Variants in ROPN1L observed in about 807,000 individuals in gnomAD.
ROPN1L encodes ropporin-1-like protein.
Under a neutral mutation model 22.7 loss-of-function variants are expected in ROPN1L, and 23 were observed. The ratio of observed to expected loss-of-function variants is 1.01; its 90% CI spans 0.73 to 1.43. The LOEUF (loss-of-function observed/expected upper bound fraction) is 1.43. Ranked by LOEUF, ROPN1L falls within the 40% of genes most tolerant of loss-of-function variation. The probability of loss-of-function intolerance (pLI) is 0.00; values close to 1 mark genes in which losing one functional copy is unlikely to be tolerated. For synonymous variants in ROPN1L, 116 were observed against 117.8 expected, an observed-to-expected ratio of 0.98 and a Z score of 0.10; for missense variants, 271 against 291.5, an observed-to-expected ratio of 0.93 and a Z score of 0.51.
rs116369210 is a variant in ROPN1L at position 10,457,224 on chromosome 5, G to A, written c.418-3960G>A. ...GCTGCACTCACCCCCTAACCGTGCCGTCCACCTCGGCAGCATCAGGTGCAG... is the reference window on the plus strand; with the variant it reads ...GCTGCACTCACCCCCTAACCGTGCCATCCACCTCGGCAGCATCAGGTGCAG... On this transcript the variant is annotated intron_variant, in intron 3 of 4. Transcript: ENST00000274134. Among the ~76,000 whole-genome samples the A allele has an allele frequency of 2.7e-3, 409 of 152,282 alleles. 2 individuals are homozygous for A. Among genetic ancestry groups the A allele is most frequent in the African/African-American group, 9.4e-3 (390 of 41,558 alleles).
intron 3 of ROPN1L, among the ~76,000 whole-genome samples, chr5:10,458,745 C>T (rs1412370701): frequency 1.2e-5 from 1 of 83,762 alleles, no homozygotes; most frequent in African/African-American, 4.7e-5. Context: ...CCGTGTATAC[C>T]GTCCCCCCAT....
the ROPN1L span, among the ~76,000 whole-genome samples, chr5:10,479,017 G>A: frequency 9.8e-4 from 149 of 152,288 alleles, no homozygotes; most frequent in African/African-American, 3.3e-3. Flanking sequence ...TAATGCCTTC[G>A]AAATCAGCTA....
chr5:10,462,909 A>G (rs1221723653), intron 4 of ROPN1L, among the ~76,000 whole-genome samples: 1 of 150,558 alleles, frequency 6.6e-6, no homozygotes, highest in Non-Finnish European at 1.5e-5. Flanking sequence ...CAACAATAAT[A>G]ATAATAATAA....
chr5:10,476,687 T>C (rs1735321968), downstream of ROPN1L, among the ~76,000 whole-genome samples: 1 of 152,216 alleles, frequency 6.6e-6, no homozygotes, highest in Admixed American at 6.5e-5. Context: ...AGGACGGTGA[T>C]ATTTAAAGAG....
In ROPN1L at chr5:10,457,490, C is replaced by G. The variant is rs115095732; in HGVS notation, c.418-3694C>G. On this transcript the variant is annotated intron_variant, in intron 3 of 4. Transcript: ENST00000274134. The stretch of plus-strand genomic sequence containing the variant: ...AGCTCAGAGGCCCACCGGCTGTGCT[C>G]CAGTCCTGGCTGGGTGACTTGGGTG... Among the ~76,000 whole-genome samples the G allele has an allele frequency of 3.1e-3, 477 of 152,336 alleles. 5 individuals are homozygous for G. The highest frequency in any genetic ancestry group is 0.011 in the African/African-American group (454 of 41,576).
chr5:10,469,092 TTG>T (rs1265000313), downstream of ROPN1L, among the ~76,000 whole-genome samples: 6 of 151,998 alleles, frequency 3.9e-5, no homozygotes, highest in Non-Finnish European at 8.8e-5. Flanking sequence ...GAGGCGGAGC[TTG>T]CAATGAGCCG....
intron 3 of ROPN1L, among the ~76,000 whole-genome samples, chr5:10,455,585 C>T (rs1381851669): frequency 2.0e-5 from 3 of 151,736 alleles, no homozygotes; most frequent in Non-Finnish European, 4.4e-5. Flanking sequence ...GCCGCTGATG[C>T]GGGCCGCTGT....
At chr5:10,469,835 C>T (rs575556739), downstream of ROPN1L, among the ~76,000 whole-genome samples, 18 of 152,334 alleles carry the variant, frequency 1.2e-4, no homozygotes, top group South Asian at 1.4e-3. Flanking sequence ...TCCAGAAATA[C>T]GTGCTTACCC....
At chr5:10,465,295 T>C (rs558608394), downstream of ROPN1L, among the ~76,000 whole-genome samples, 14 of 151,462 alleles carry the variant, frequency 9.2e-5, no homozygotes, top group African/African-American at 3.4e-4. Context: ...GCGGGTGGAT[T>C]ACGAGGTCGG....
chr5:10,456,568 C>T (rs1741427660), intron 3 of ROPN1L, among the ~76,000 whole-genome samples: 2 of 152,196 alleles, frequency 1.3e-5, no homozygotes, highest in African/African-American at 4.8e-5. Flanking sequence ...AATAAATCAG[C>T]CACACAGCAG....
At chr5:10,469,255 G>A (rs901889002), downstream of ROPN1L, among the ~76,000 whole-genome samples, 12 of 151,558 alleles carry the variant, frequency 7.9e-5, no homozygotes, top group African/African-American at 2.4e-4. Flanking sequence ...TGGGAGGATT[G>A]TTTGAGCCCA....
downstream of ROPN1L, among the ~76,000 whole-genome samples, chr5:10,473,475 T>G (rs1579665639): frequency 6.6e-6 from 1 of 152,102 alleles, no homozygotes; most frequent in Non-Finnish European, 1.5e-5. Flanking sequence ...AAGGAAGGAT[T>G]CCCTCCTAAA....
chr5:10,468,719 G>A (rs186646138), downstream of ROPN1L, among the ~76,000 whole-genome samples: 194 of 152,370 alleles, frequency 1.3e-3, no homozygotes, highest in African/African-American at 4.1e-3. Flanking sequence ...ATGAACATGG[G>A]AGGAGGTGCC....
chr5:10,448,685 CA>C (rs1579644171), intron 2 of ROPN1L, among the ~76,000 whole-genome samples: 3 of 152,216 alleles, frequency 2.0e-5, no homozygotes, highest in Admixed American at 2.0e-4. Context: ...TTCTGCTGGG[CA>C]AAACATACAA....
At chr5:10,476,034 G>A (rs1435188288), downstream of ROPN1L, among the ~76,000 whole-genome samples, 2 of 152,184 alleles carry the variant, frequency 1.3e-5, no homozygotes, top group Non-Finnish European at 2.9e-5. Flanking sequence ...CAGGGAGGAG[G>A]CCATTGTCTT....
At chr5:10,467,342 C>G (rs1403113978), downstream of ROPN1L, among the ~76,000 whole-genome samples, 1 of 151,260 alleles carries the variant, frequency 6.6e-6, no homozygotes, top group Non-Finnish European at 1.5e-5. Context: ...GACACAAAAC[C>G]AAAAAGTATG....
In ROPN1L at chr5:10,442,195, G is replaced by A; in HGVS notation, c.28G>A (p.Ala10Thr). 1.2e-6 allele frequency: 2 copies of A among 1,613,770 alleles called. No individual in the cohort carries two copies. The highest frequency in any genetic ancestry group is 1.7e-6 in the Non-Finnish European group (2 of 1,179,870). Reference sequence around the variant, plus strand: ...GCCGCTTCCCGACACCATGTTCTGCGCTCAGCAGATCCACATTCCCCCGGA... The same window carrying A: ...GCCGCTTCCCGACACCATGTTCTGCACTCAGCAGATCCACATTCCCCCGGA... MPLPDTMFC[A>T]QQIHIPPELP... The change falls in exon 1 of 5, where the codon GCT becomes ACT. Residue 10 changes from alanine to threonine, a missense_variant. Transcript: ENST00000274134.
intron 1 of ROPN1L, among the ~76,000 whole-genome samples, chr5:10,443,593 C>T (rs1434113801): frequency 6.7e-6 from 1 of 150,316 alleles, no homozygotes; most frequent in South Asian, 2.1e-4. Context: ...CTGCAGTCCG[C>T]AGTCCGGCCC....
At position 10,464,999 on chromosome 5, in the gene ROPN1L, C is replaced by A; in HGVS notation, c.*52C>A. ...AAAATAGTGCTCTTTAAAATTCTGG[C>A]ACCAAATACAACTTACCCTGAATCA... On this transcript the variant is annotated 3_prime_UTR_variant, in exon 5 of 5. Transcript: ENST00000274134. The A allele has an allele frequency of 9.1e-7, 1 of 1,103,314 alleles. No individual in the cohort carries two copies. The allele number at this position is 1,103,314 out of a possible 1,614,324, so 68.3% of individuals were successfully genotyped here.
Sources: gnomAD v4.1 joint callset for allele counts (sites outside exome capture counted in the v4.1 genomes callset) on GRCh38, gnomAD v4.1.1 for gene constraint, MANE v1.5 for transcripts, NCBI Gene and HGNC (gene_info 2026-07-23, HGNC 2026-07-21) for gene names.